Variants in TLN2 observed in about 807,000 individuals in gnomAD.
TLN2 encodes the protein talin 2.
Under a neutral mutation model 294.7 loss-of-function variants are expected in TLN2, and 118 were observed. That is an observed-to-expected ratio of 0.40 (90% CI 0.34 to 0.47). The LOEUF is 0.47. TLN2 is among the 20% of genes least tolerant of loss of function. The pLI, the probability that TLN2 is intolerant of heterozygous loss-of-function variation, is 0.84. For missense variants in TLN2, 3,083 were observed against 3,282.2 expected (o/e 0.94, Z 1.48); for synonymous variants, 1,431 against 1,304.5 (o/e 1.10, Z -2.09).
chr15:62,477,362 T>C (rs1363405677), intron 1 of TLN2, among the ~76,000 whole-genome samples: 2 of 152,208 alleles, frequency 1.3e-5, no homozygotes, highest in Non-Finnish European at 1.5e-5. Flanking sequence ...AGTGTGACTC[T>C]TGCTGAACTG....
chr15:62,759,403 T>A (rs143956336), intron 37 of TLN2, among the ~76,000 whole-genome samples: 219 of 152,266 alleles, frequency 1.4e-3, no homozygotes, highest in Middle Eastern at 0.01. Context: ...TAATATGATT[T>A]TAGGGCCTGT....
chr15:62,643,440 T>G (rs75896974), intron 3 of TLN2, among the ~76,000 whole-genome samples: 3 of 107,326 alleles, frequency 2.8e-5, no homozygotes, highest in Non-Finnish European at 5.9e-5. Context: ...TTTTTTTTTT[T>G]GGTATATTGT....
intron 1 of TLN2, among the ~76,000 whole-genome samples, chr15:62,441,429 C>A (rs994129242): frequency 6.6e-6 from 1 of 152,080 alleles, no homozygotes; most frequent in Non-Finnish European, 1.5e-5. Context: ...GTGAATCCAC[C>A]CCTGAATACA....
intron 1 of TLN2, among the ~76,000 whole-genome samples, chr15:62,466,977 G>T (rs539242009): frequency 1.3e-4 from 20 of 152,352 alleles, no homozygotes; most frequent in African/African-American, 4.8e-4. Flanking sequence ...CTGAAAGCCA[G>T]TGAAGAATTA....
intron 33 of TLN2, among the ~76,000 whole-genome samples, chr15:62,749,496 A>G (rs2061800993): frequency 6.6e-6 from 1 of 152,202 alleles, no homozygotes; most frequent in Non-Finnish European, 1.5e-5. Flanking sequence ...TTAATAGAAC[A>G]ATTTTGAATA....
At chr15:62,511,907 C>G (rs1344240078) in intron 1 of TLN2, among the ~76,000 whole-genome samples, 1 of 152,114 alleles carries the variant, frequency 6.6e-6, no homozygotes, top group Non-Finnish European at 1.5e-5. Context: ...TGAGAAGACA[C>G]TCTCAAAACC....
At chr15:62,823,391 C>A (rs2067750376) in intron 54 of TLN2, among the ~76,000 whole-genome samples, 1 of 152,174 alleles carries the variant, frequency 6.6e-6, no homozygotes, top group Non-Finnish European at 1.5e-5. Flanking sequence ...ATCAGCCAGT[C>A]TTTTGAGTTG....
In TLN2 at chr15:62,724,980, A is replaced by G. The variant is rs780406121; in HGVS notation, c.3131A>G (p.His1044Arg). The G allele has an allele frequency of 6.8e-6, 11 of 1,611,380 alleles. No individual in the cohort carries two copies. Among genetic ancestry groups the G allele is most frequent in the East Asian group, 2.2e-5 (1 of 44,820 alleles). Residue 1044 changes from histidine to arginine, a missense_variant, in exon 27 of 59, where the codon CAT becomes CGT. By Grantham distance (29) the His-to-Arg change is conservative. Transcript: ENST00000636159. ...TATTTCCAACTCTGTTGGCAGGCCC[A>G]TGAAGCTTGTGGTCCGATGGAAATC... is the stretch of plus-strand genomic sequence containing the variant. ...AELRTASQKA[H>R]EACGPMEIDS...
chr15:62,754,080 C>T (rs555145551), intron 36 of TLN2, 164 bp downstream of exon 36: 2 of 976,252 alleles, frequency 2.0e-6, no homozygotes, highest in Admixed American at 4.0e-5. Context: ...GCAAATATTG[C>T]AAAATATGAT....
chr15:62,782,153 C>G (rs1252662419), intron 44 of TLN2, among the ~76,000 whole-genome samples: 3 of 152,222 alleles, frequency 2.0e-5, no homozygotes, highest in Non-Finnish European at 4.4e-5. Flanking sequence ...GCCCAGGTCC[C>G]CTCTGAGTGG....
At chr15:62,465,871 G>A (rs1382887311) in intron 1 of TLN2, among the ~76,000 whole-genome samples, 1 of 152,130 alleles carries the variant, frequency 6.6e-6, no homozygotes, top group African/African-American at 2.4e-5. Flanking sequence ...TTCCATGTCT[G>A]TCCTTAGTTT....
chr15:62,812,249 C>T (rs1482730454), intron 52 of TLN2, among the ~76,000 whole-genome samples: 2 of 152,068 alleles, frequency 1.3e-5, no homozygotes, highest in East Asian at 1.9e-4. Flanking sequence ...CAGGGATCCT[C>T]GTATTTCCAT....
chr15:62,798,238 A>G (rs2065662551), intron 48 of TLN2, among the ~76,000 whole-genome samples: 1 of 152,136 alleles, frequency 6.6e-6, no homozygotes, highest in East Asian at 1.9e-4. Flanking sequence ...TCGGTTCTCA[A>G]GGAAGAGAGA....
chr15:62,432,524 A>G (rs111631307), intron 1 of TLN2, among the ~76,000 whole-genome samples: 240 of 152,308 alleles, frequency 1.6e-3, no homozygotes, highest in African/African-American at 5.4e-3. Flanking sequence ...ATTGTTTCTA[A>G]CATATGAATT....
chr15:62,819,367 GTT>G (rs2067371040), intron 52 of TLN2, 147 bp from the exon 53 acceptor site: 6 of 645,638 alleles, frequency 9.3e-6, no homozygotes, highest in Non-Finnish European at 1.6e-5. Context: ...AGTCGTAAGG[GTT>G]TTCCACAAGG....
At chr15:62,722,701 T>G (rs1314097898) in intron 26 of TLN2, among the ~76,000 whole-genome samples, 1 of 152,246 alleles carries the variant, frequency 6.6e-6, no homozygotes, top group Non-Finnish European at 1.5e-5. Context: ...CAAATGCCTT[T>G]CGTTGAACTA....
chr15:62,783,649 T>C lies in TLN2; in HGVS notation c.5617-122T>C, dbSNP rs553589632. On this transcript the variant is annotated intron_variant, in intron 44 of 58. Transcript: ENST00000636159. ...AATGCAAGGCCTGGCCTTCACCCCC[T>C]CAGGAGCTTAAAAGTGAATGAAACC... 1.2e-5 allele frequency: 18 copies of C among 1,450,218 alleles called. No homozygotes were observed. In the Admixed American group the frequency reaches 2.8e-4, roughly 23 times the overall value. The allele number at this position is 1,450,218 out of a possible 1,614,324, so 89.8% of individuals were successfully genotyped here. A position where few individuals can be genotyped will look rare whatever the true frequency, so the allele number is the denominator to read the frequency against.
rs143323545 is a variant in TLN2 at position 62,797,343 on chromosome 15, C to A, written c.6175C>A (p.Leu2059Ile). The A allele has an allele frequency of 2.5e-6, 4 of 1,613,522 alleles. No individual in the cohort carries two copies. The highest frequency in any genetic ancestry group is 3.4e-6 in the Non-Finnish European group (4 of 1,179,970). Reference sequence around the variant, plus strand: ...GTCCTCAGCAGCCACCATCACCCAGCTCGCAGAAGTGGTCAAGCTGGGGGC... The same window carrying A: ...GTCCTCAGCAGCCACCATCACCCAGATCGCAGAAGTGGTCAAGCTGGGGGC... ...AQSSAATITQ[L>I]AEVVKLGAAS... The change falls in exon 48 of 59, where the codon CTC becomes ATC. Residue 2059 changes from leucine to isoleucine, a missense_variant. Coordinates refer to ENST00000636159, the MANE Select transcript of TLN2 (RefSeq NM_015059.3).
intron 46 of TLN2, among the ~76,000 whole-genome samples, chr15:62,794,610 G>A (rs1023072314): frequency 4.6e-5 from 7 of 152,150 alleles, no homozygotes; most frequent in African/African-American, 7.2e-5. Context: ...CTCATTTCCC[G>A]GCCAGCTCTA....
Sources: gnomAD v4.1 joint callset for allele counts (sites outside exome capture counted in the v4.1 genomes callset) on GRCh38, gnomAD v4.1.1 for gene constraint, MANE v1.5 for transcripts, NCBI Gene and HGNC (gene_info 2026-07-23, HGNC 2026-07-21) for gene names.